VPS13B: variants seen among roughly 807,000 people sequenced by gnomAD.
VPS13B encodes vacuolar protein sorting 13 homolog B.
Under a neutral mutation model 426.4 loss-of-function variants are expected in VPS13B, and 285 were observed. That is an observed-to-expected ratio of 0.67 (90% confidence interval 0.61 to 0.74). The LOEUF (loss-of-function observed/expected upper bound fraction) is 0.74. VPS13B is among the 30% of genes least tolerant of loss of function. VPS13B has a pLI of 0.00. For missense variants in VPS13B, 4,537 were observed against 4,782.6 expected (o/e 0.95, Z 1.51); for synonymous variants, 1,676 against 1,676.4 (o/e 1.00, Z 0.01).
At chr8:99,163,139 T>C (rs1320908265) in intron 15 of VPS13B, among the ~76,000 whole-genome samples, 1 of 150,242 alleles carries the variant, frequency 6.7e-6, no homozygotes, top group Non-Finnish European at 1.5e-5. Flanking sequence ...AGAGTGCCGA[T>C]TGGTGTATTT....
At chr8:99,563,981 A>G (rs925250498) in intron 31 of VPS13B, among the ~76,000 whole-genome samples, 2 of 152,268 alleles carry the variant, frequency 1.3e-5, no homozygotes, top group Admixed American at 6.5e-5. Context: ...ATGAAGAGTA[A>G]TGTGTTTACT....
chr8:99,493,780 TAAAAA>T (rs376555643), intron 25 of VPS13B, among the ~76,000 whole-genome samples: 5 of 61,166 alleles, frequency 8.2e-5, no homozygotes, highest in Non-Finnish European at 1.6e-4. Flanking sequence ...AGACTCTATC[TAAAAA>T]AAAAAAAAAA....
intron 13 of VPS13B, 127 bp from the exon 14 acceptor site, chr8:99,147,714 C>T (rs979945648): frequency 5.4e-5 from 26 of 478,012 alleles, no homozygotes; most frequent in African/African-American, 4.9e-4. Context: ...TTATTTTATA[C>T]CTGCTTCATT....
intron 17 of VPS13B, among the ~76,000 whole-genome samples, chr8:99,226,378 T>C (rs954495942): frequency 3.9e-5 from 6 of 152,210 alleles, no homozygotes; most frequent in Non-Finnish European, 8.8e-5. Context: ...CAGAGTGTGC[T>C]TTCTAACATC....
At chr8:99,037,479 G>T (rs1209851995) in intron 2 of VPS13B, among the ~76,000 whole-genome samples, 5 of 152,080 alleles carry the variant, frequency 3.3e-5, no homozygotes, top group African/African-American at 7.2e-5. Context: ...TCTGCTGGCT[G>T]CAGAGTTATT....
At chr8:99,117,422 C>T (rs1238455219) in intron 7 of VPS13B, among the ~76,000 whole-genome samples, 4 of 152,084 alleles carry the variant, frequency 2.6e-5, no homozygotes, top group Non-Finnish European at 4.4e-5. Flanking sequence ...ACCATGTTGA[C>T]CCAGCAATTC....
intron 13 of VPS13B, among the ~76,000 whole-genome samples, chr8:99,146,865 G>A (rs1470870387): frequency 6.6e-6 from 1 of 151,936 alleles, no homozygotes; most frequent in Non-Finnish European, 1.5e-5. Context: ...CCACTGTGCT[G>A]GCACTTGACT....
intron 30 of VPS13B, among the ~76,000 whole-genome samples, chr8:99,533,337 A>G (rs1263956092): frequency 4.6e-5 from 7 of 152,232 alleles, no homozygotes. Flanking sequence ...AGTGATCCAA[A>G]TACAGATATT....
chr8:99,065,049 A>G (rs1053720961), intron 3 of VPS13B, among the ~76,000 whole-genome samples: 11 of 152,244 alleles, frequency 7.2e-5, no homozygotes, highest in African/African-American at 2.7e-4. Flanking sequence ...TTTACAGACA[A>G]GCAAATGCTG....
chr8:99,274,044 C>T (rs1260944815), intron 17 of VPS13B, among the ~76,000 whole-genome samples, 154 bp from the exon 18 acceptor site: 1 of 152,044 alleles, frequency 6.6e-6, no homozygotes, highest in Non-Finnish European at 1.5e-5. Flanking sequence ...ATCCTTTCAC[C>T]TCTGAAATAC....
At position 99,136,744 on chromosome 8, in the gene VPS13B, G is replaced by C; in HGVS notation, c.1643G>C (p.Ser548Thr). The C allele has an allele frequency of 1.2e-6, 2 of 1,613,478 alleles. No individual in the cohort carries two copies. Among genetic ancestry groups the C allele is most frequent in the Non-Finnish European group, 1.7e-6 (2 of 1,179,562 alleles). The change falls in exon 12 of 62, where the codon AGT becomes ACT. Residue 548 changes from serine to threonine, a missense_variant. Ser to Thr is a moderately conservative substitution (Grantham distance 58). Around this residue, in one of 2 missense-constraint regions of VPS13B, gnomAD observed 4,311 missense variants for 4,474.3 expected, o/e 0.96. Transcript: ENST00000357162. ...MDYLYTMENT[S>T]GKGSTNQQDF... ...TACCTGTATACAATGGAGAACACTA[G>C]TGGCAAAGGTATTGGCTTCTTTCCT...
intron 5 of VPS13B, among the ~76,000 whole-genome samples, chr8:99,105,875 A>G (rs1847017429): frequency 6.6e-6 from 1 of 152,162 alleles, no homozygotes. Context: ...TTATAAAATG[A>G]CTGCTTCTAA....
intron 11 of VPS13B, among the ~76,000 whole-genome samples, chr8:99,136,258 A>C (rs1055962027): frequency 6.6e-6 from 1 of 152,086 alleles, no homozygotes; most frequent in Non-Finnish European, 1.5e-5. Flanking sequence ...TGCATAATTA[A>C]CATACATTTA....
At chr8:99,819,104 CTT>C (rs1814217122) in intron 47 of VPS13B, among the ~76,000 whole-genome samples, 1 of 152,036 alleles carries the variant, frequency 6.6e-6, no homozygotes, top group Non-Finnish European at 1.5e-5. Flanking sequence ...AAAAATCAGC[CTT>C]TCTCATTAAG....
chr8:99,560,413 T>C (rs1230589533), intron 31 of VPS13B, among the ~76,000 whole-genome samples: 3 of 152,160 alleles, frequency 2.0e-5, no homozygotes, highest in African/African-American at 4.8e-5. Flanking sequence ...TTGTGTGTGC[T>C]CCTATCACAT....
At chr8:99,330,974 A>T (rs1166621550) in intron 19 of VPS13B, among the ~76,000 whole-genome samples, 1 of 151,824 alleles carries the variant, frequency 6.6e-6, no homozygotes, top group Non-Finnish European at 1.5e-5. Context: ...CCTGGTAAGA[A>T]TTCCTCCTTC....
intron 29 of VPS13B, among the ~76,000 whole-genome samples, chr8:99,513,525 A>C (rs1276569613): frequency 6.6e-6 from 1 of 152,184 alleles, no homozygotes; most frequent in Non-Finnish European, 1.5e-5. Context: ...CTTTTTTACT[A>C]ATAAAGAAAT....
At chr8:99,698,487 A>G (rs904197092) in intron 35 of VPS13B, among the ~76,000 whole-genome samples, 2 of 152,242 alleles carry the variant, frequency 1.3e-5, no homozygotes, top group Non-Finnish European at 2.9e-5. Context: ...TGATTTCTAG[A>G]TATTGGTGTC....
intron 29 of VPS13B, among the ~76,000 whole-genome samples, chr8:99,517,928 T>C (rs1484103898): frequency 3.3e-5 from 5 of 152,064 alleles, no homozygotes; most frequent in Non-Finnish European, 7.4e-5. Context: ...TATTATTTTT[T>C]TTTACATCTC....
Sources: gnomAD v4.1 joint callset for allele counts (sites outside exome capture counted in the v4.1 genomes callset) on GRCh38, gnomAD v4.1.1 for gene constraint, gnomAD v4.1.1 regional missense constraint, MANE v1.5 for transcripts, NCBI Gene and HGNC (gene_info 2026-07-23, HGNC 2026-07-21) for gene names.